PHACTR1: variants seen among roughly 807,000 people sequenced by gnomAD.
PHACTR1 encodes RPEL repeat containing 1.
A neutral mutation model predicts 69.2 loss-of-function variants in PHACTR1; 16 were observed. The ratio of observed to expected loss-of-function variants is 0.23; its 90% confidence interval spans 0.16 to 0.35. PHACTR1 has a LOEUF of 0.35. PHACTR1 is among the 10% of genes least tolerant of loss of function. The pLI, the probability that PHACTR1 is intolerant of heterozygous loss-of-function variation, is 1.00. For synonymous variants in PHACTR1, 312 were observed against 284.5 expected (o/e 1.10, Z -0.97); for missense variants, 510 against 734.7 (o/e 0.69, Z 3.54).
rs539828261 is a variant in PHACTR1, at chr6:13,250,175, G to T, written c.1391+19982G>T. 8.5e-5 allele frequency among the ~76,000 whole-genome samples: 13 copies of T among 152,276 alleles called. No homozygotes were observed. The South Asian group carries it at 2.3e-3, about 27-fold the overall frequency. On this transcript the variant is annotated intron_variant, in intron 10 of 14. Coordinates refer to ENST00000332995, the MANE Select transcript of PHACTR1 (RefSeq NM_030948.6). ...ACTATCTGGCCCTTTGAAGAAAAAA[G>T]AAATGAGACATTTAAGGACCTAGAC...
chr6:13,005,672 TAGA>T (rs1240262043), intron 4 of PHACTR1, among the ~76,000 whole-genome samples: 5 of 152,206 alleles, frequency 3.3e-5, no homozygotes, highest in Non-Finnish European at 7.4e-5. Context: ...CCTGCCTTGT[TAGA>T]AGTAGAGGTG....
chr6:12,748,784 G>A (rs1255303168), intron 3 of PHACTR1, among the ~76,000 whole-genome samples: 3 of 152,174 alleles, frequency 2.0e-5, no homozygotes, highest in Non-Finnish European at 4.4e-5. Flanking sequence ...GAGTACTTAT[G>A]TAGAGATAAC....
intron 4 of PHACTR1, among the ~76,000 whole-genome samples, chr6:12,802,075 G>A (rs1468929707): frequency 7.5e-6 from 1 of 133,142 alleles, no homozygotes; most frequent in Non-Finnish European, 1.7e-5. Flanking sequence ...TAGGAAAATT[G>A]AGCTACATAT....
At position 13,197,372 on chromosome 6, in the gene PHACTR1, G is replaced by A. The variant is rs114058221; in HGVS notation, c.665-8443G>A. ...AGGTCCCCTCAGCACCTTGCATGGA[G>A]CTGTGTAGTTATTAATCTATTTACT... On this transcript the variant is annotated intron_variant, in intron 7 of 14. Transcript: ENST00000332995. 9.3e-3 allele frequency among the ~76,000 whole-genome samples: 1,411 copies of A among 152,258 alleles called. 24 individuals are homozygous for A. The highest frequency in any genetic ancestry group is 0.032 in the African/African-American group (1,345 of 41,540).
chr6:12,887,913 C>CAA (rs201585992), intron 4 of PHACTR1, among the ~76,000 whole-genome samples: 2 of 146,840 alleles, frequency 1.4e-5, no homozygotes, highest in African/African-American at 5.0e-5. Context: ...TACTAAAATA[C>CAA]AAAAAAAAAA....
intron 10 of PHACTR1, among the ~76,000 whole-genome samples, chr6:13,235,832 G>A (rs537201664): frequency 1.3e-5 from 2 of 152,242 alleles, no homozygotes; most frequent in South Asian, 2.1e-4. Context: ...ACAGAGGATC[G>A]ACTGGCCCAG....
chr6:13,133,220 TCCCC>T (rs1561876195), intron 5 of PHACTR1, among the ~76,000 whole-genome samples: 35 of 12,702 alleles, frequency 2.8e-3, no homozygotes, highest in African/African-American at 0.012. Flanking sequence ...CCCCTCCCCC[TCCCC>T]CTCCCCCTCT....
intron 4 of PHACTR1, among the ~76,000 whole-genome samples, chr6:12,763,987 T>G (rs1456353515): frequency 1.3e-5 from 2 of 152,258 alleles, no homozygotes; most frequent in East Asian, 3.9e-4. Context: ...TCTTTTAACC[T>G]TATACCAAAG....
intron 4 of PHACTR1, among the ~76,000 whole-genome samples, chr6:12,879,967 A>G (rs1782922620): frequency 6.6e-6 from 1 of 152,196 alleles, no homozygotes; most frequent in Admixed American, 6.5e-5. Context: ...TAGTAAAAGG[A>G]TACTCATTAA....
intron 10 of PHACTR1, among the ~76,000 whole-genome samples, chr6:13,235,278 G>A (rs898725254): frequency 6.6e-6 from 1 of 152,184 alleles, no homozygotes; most frequent in Non-Finnish European, 1.5e-5. Flanking sequence ...CCTGAACTAG[G>A]AGGTGCCCTG....
intron 4 of PHACTR1, among the ~76,000 whole-genome samples, chr6:13,029,222 A>T (rs1802111807): frequency 6.6e-6 from 1 of 152,144 alleles, no homozygotes; most frequent in Non-Finnish European, 1.5e-5. Flanking sequence ...AAATGATATG[A>T]ATTTGAAAGA....
intron 4 of PHACTR1, among the ~76,000 whole-genome samples, chr6:13,003,826 G>A (rs1318390797): frequency 6.6e-6 from 1 of 151,116 alleles, no homozygotes; most frequent in Non-Finnish European, 1.5e-5. Flanking sequence ...CTACTTATAA[G>A]TGAGAACATG....
At position 13,227,834 on chromosome 6, in the gene PHACTR1, C is replaced by G; in HGVS notation, c.1005C>G (p.Pro335=). ...TAAACAGCTCTGAGCAGCGGGTCCC[C>G]TGTTCCACTTCTTACCACAGCTCTG... ...QRLESSEQRV[P]CSTSYHSSGL... The change falls in exon 9 of 15, where the codon CCC becomes CCG. Residue 335 remains proline, a synonymous_variant. Coordinates refer to ENST00000332995, the MANE Select transcript of PHACTR1 (RefSeq NM_030948.6). 6.2e-7 allele frequency: 1 copy of G among 1,613,976 alleles called. No individual in the cohort carries two copies. Among genetic ancestry groups the G allele is most frequent in the Non-Finnish European group, 8.5e-7 (1 of 1,179,836 alleles).
intron 10 of PHACTR1, among the ~76,000 whole-genome samples, chr6:13,233,727 G>A (rs1370608299): frequency 6.6e-6 from 1 of 152,196 alleles, no homozygotes; most frequent in Admixed American, 6.5e-5. Context: ...TAGAATTCAA[G>A]GTGAGATTTG....
At chr6:13,196,260 GGC>G in intron 7 of PHACTR1, among the ~76,000 whole-genome samples, 1 of 128,950 alleles carries the variant, frequency 7.8e-6, no homozygotes, top group South Asian at 2.5e-4. Context: ...AGGGAAAGGA[GGC>G]ATTTTTATCC....
At chr6:12,730,430 A>G (rs1331527769) in intron 3 of PHACTR1, among the ~76,000 whole-genome samples, 1 of 151,996 alleles carries the variant, frequency 6.6e-6, no homozygotes, top group Non-Finnish European at 1.5e-5. Context: ...AATAAGCAAA[A>G]TTCTCAGTTA....
rs114991863 is a variant in PHACTR1, at chr6:12,718,336, C to T, written c.-46-363C>T. On this transcript the variant is annotated intron_variant, in intron 2 of 14. Coordinates refer to ENST00000332995, the MANE Select transcript of PHACTR1 (RefSeq NM_030948.6). ...ATGAGCTGAGGATCAACACTCACAA[C>T]GGCTGACACTTAATGACGCTATTTA... The T allele has an allele frequency of 7.0e-3, 1,066 of 152,424 alleles. 9 individuals carry two copies. The highest frequency in any genetic ancestry group is 0.018 in the African/African-American group (729 of 41,538). 9.4% of individuals were successfully genotyped at this position (152,424 alleles called of 1,614,324 possible).
At chr6:12,964,073 A>G (rs1217632298) in intron 4 of PHACTR1, among the ~76,000 whole-genome samples, 1 of 152,236 alleles carries the variant, frequency 6.6e-6, no homozygotes, top group Non-Finnish European at 1.5e-5. Context: ...CTCAAGTAAA[A>G]AAAAATGTGT....
chr6:12,928,160 C>T (rs970310469), intron 4 of PHACTR1, among the ~76,000 whole-genome samples: 31 of 152,188 alleles, frequency 2.0e-4, no homozygotes, highest in Admixed American at 3.3e-4. Flanking sequence ...TCACCCAGGG[C>T]TCATTAACAC....
Sources: allele counts gnomAD v4.1 joint callset (sites outside exome capture counted in the v4.1 genomes callset), GRCh38; gene constraint gnomAD v4.1.1; transcripts MANE v1.5; gene names NCBI Gene and HGNC (gene_info 2026-07-23, HGNC 2026-07-21).